Variants in ADAM22 observed in about 807,000 individuals in gnomAD.
ADAM22 encodes the protein ADAM metallopeptidase domain 22, also known as disintegrin and metalloproteinase domain-containing protein 22.
Under a neutral mutation model 144.6 loss-of-function variants are expected in ADAM22, and 65 were observed. The ratio of observed to expected loss-of-function variants is 0.45; its 90% CI spans 0.37 to 0.55. The LOEUF (loss-of-function observed/expected upper bound fraction) is 0.55. ADAM22 is among the 20% of genes least tolerant of loss of function. ADAM22 has a pLI of 0.00. For missense variants in ADAM22, 974 were observed against 1,184.9 expected (o/e 0.82, Z 2.61); for synonymous variants, 391 against 412.6 (o/e 0.95, Z 0.63).
At chr7:88,079,709 A>G (rs1815888570) in intron 4 of ADAM22, among the ~76,000 whole-genome samples, 1 of 152,202 alleles carries the variant, frequency 6.6e-6, no homozygotes, top group African/African-American at 2.4e-5. Flanking sequence ...ACTCTTGGAT[A>G]AAACAGAGTT....
chr7:88,027,069 TG>T (rs562800436), intron 3 of ADAM22, among the ~76,000 whole-genome samples: 1 of 152,234 alleles, frequency 6.6e-6, no homozygotes, highest in Non-Finnish European at 1.5e-5. Context: ...CTTGCATCCC[TG>T]GGATGAATCC....
intron 2 of ADAM22, among the ~76,000 whole-genome samples, chr7:87,965,278 T>C (rs1415879335): frequency 6.6e-6 from 1 of 152,238 alleles, no homozygotes; most frequent in South Asian, 2.1e-4. Flanking sequence ...CATTAGGGAC[T>C]TAACTGCTTT....
At chr7:88,114,699 C>CT (rs1029157562) in intron 6 of ADAM22, 52 bp downstream of exon 6, 1 of 1,527,824 alleles carries the variant, frequency 6.5e-7, no homozygotes, top group South Asian at 1.2e-5. Flanking sequence ...ATGCTGAGAG[C>CT]TTTTTTCCTC....
intron 3 of ADAM22, among the ~76,000 whole-genome samples, chr7:88,032,343 G>A (rs766084028): frequency 2.6e-5 from 4 of 152,324 alleles, no homozygotes; most frequent in Non-Finnish European, 5.9e-5. Context: ...GGAGTCAAAA[G>A]ACATTAAATG....
At chr7:88,046,542 G>A (rs1181796387) in intron 3 of ADAM22, among the ~76,000 whole-genome samples, 2 of 152,068 alleles carry the variant, frequency 1.3e-5, no homozygotes, top group Non-Finnish European at 2.9e-5. Flanking sequence ...TCTGTTGATT[G>A]TTCCTGTGCA....
chr7:88,105,939 T>C (rs1261693636), intron 4 of ADAM22, among the ~76,000 whole-genome samples: 1 of 152,216 alleles, frequency 6.6e-6, no homozygotes, highest in Non-Finnish European at 1.5e-5. Flanking sequence ...TCTTTATGTC[T>C]ATTAGCTCAT....
chr7:88,145,401 T>C lies in ADAM22; in HGVS notation c.1393-14T>C. On this transcript the variant is annotated splice_polypyrimidine_tract_variant and intron_variant, in intron 16 of 31. Coordinates refer to ENST00000413139, the MANE Select transcript of ADAM22 (RefSeq NM_001324418.2). ...ACCGTTTTCTGATGTTTTGAAAATG[T>C]TTATATTCCTTAGGAATGTGTCCTT... The C allele has an allele frequency of 1.2e-6, 2 of 1,603,670 alleles. No individual in the cohort carries two copies. The highest frequency in any genetic ancestry group is 1.7e-6 in the Non-Finnish European group (2 of 1,174,066).
chr7:88,149,403 TCA>T (rs1307395838), intron 18 of ADAM22, among the ~76,000 whole-genome samples: 1 of 152,208 alleles, frequency 6.6e-6, no homozygotes, highest in East Asian at 1.9e-4. Context: ...AGGCAGGGAC[TCA>T]CAAACACACT....
chr7:87,998,209 GA>G (rs1322458985), intron 3 of ADAM22, among the ~76,000 whole-genome samples: 1 of 152,058 alleles, frequency 6.6e-6, no homozygotes, highest in African/African-American at 2.4e-5. Flanking sequence ...CACCCAGATT[GA>G]GGGTGGGTCT....
intron 31 of ADAM22, among the ~76,000 whole-genome samples, chr7:88,194,142 T>G (rs2129541376): frequency 6.6e-6 from 1 of 152,362 alleles, no homozygotes; most frequent in African/African-American, 2.4e-5. Flanking sequence ...AATCTGAGAC[T>G]GAGGTCATTC....
chr7:88,120,322 C>A (rs1490845575), intron 7 of ADAM22, among the ~76,000 whole-genome samples: 1 of 151,748 alleles, frequency 6.6e-6, no homozygotes, highest in Non-Finnish European at 1.5e-5. Flanking sequence ...TGCTATCCCT[C>A]CCCCCTTCCC....
intron 12 of ADAM22, among the ~76,000 whole-genome samples, chr7:88,133,910 C>T (rs112536528): frequency 2.0e-5 from 3 of 152,274 alleles, no homozygotes; most frequent in African/African-American, 7.2e-5. Flanking sequence ...CATTCTATTC[C>T]ACTTGAGGGG....
intron 29 of ADAM22, among the ~76,000 whole-genome samples, chr7:88,185,177 A>G (rs1024317291): frequency 3.3e-5 from 5 of 152,236 alleles, no homozygotes; most frequent in Non-Finnish European, 5.9e-5. Context: ...CAAGTTGGCA[A>G]TGATTATGGC....
intron 3 of ADAM22, among the ~76,000 whole-genome samples, chr7:88,038,851 G>A (rs1396484261): frequency 6.6e-6 from 1 of 151,096 alleles, no homozygotes; most frequent in Non-Finnish European, 1.5e-5. Flanking sequence ...TGCCATCACT[G>A]CTTAATGTAG....
At chr7:87,999,646 T>G (rs1792061041) in intron 3 of ADAM22, among the ~76,000 whole-genome samples, 1 of 152,182 alleles carries the variant, frequency 6.6e-6, no homozygotes, top group Non-Finnish European at 1.5e-5. Flanking sequence ...TTTTAAAACT[T>G]AGAGGGGAAA....
intron 13 of ADAM22, among the ~76,000 whole-genome samples, chr7:88,134,636 C>T (rs1179223871): frequency 2.6e-5 from 4 of 152,034 alleles, no homozygotes. Flanking sequence ...AACTTTAAAG[C>T]CGTGTGATAA....
rs1293656669 is a variant in ADAM22, at chr7:88,122,221, G to A, written c.608-3368G>A. Among the ~76,000 whole-genome samples, 3 of 152,252 alleles carry A rather than the reference G, an allele frequency of 2.0e-5. No individual in the cohort carries two copies. In the East Asian group the frequency reaches 5.8e-4, roughly 29 times the overall value. On this transcript the variant is annotated intron_variant, in intron 7 of 31. Coordinates refer to ENST00000413139, the MANE Select transcript of ADAM22 (RefSeq NM_001324418.2). The stretch of plus-strand genomic sequence containing the variant: ...TGATGGTTGCTCTCTTTCTCACATA[G>A]GCCTCTCCATAGGGAAGCTCACAAC...
intron 31 of ADAM22, among the ~76,000 whole-genome samples, chr7:88,195,912 C>G (rs1850592011): frequency 6.6e-6 from 1 of 152,146 alleles, no homozygotes; most frequent in Admixed American, 6.5e-5. Flanking sequence ...TCACACTTCC[C>G]TGATGTCAGT....
Position 88,030,172 on chromosome 7 carries a change from T to A in ADAM22, c.324-45454T>A, listed in dbSNP as rs1392930457. On this transcript the variant is annotated intron_variant, in intron 3 of 31. Coordinates refer to ENST00000413139, the MANE Select transcript of ADAM22 (RefSeq NM_001324418.2). ...TGATTCATTCTTTTTTATCCTTTTTTAAAAATTTGTCTCCTCTGATTATGT... is the reference window on the plus strand; with the variant it reads ...TGATTCATTCTTTTTTATCCTTTTTAAAAAATTTGTCTCCTCTGATTATGT... Among the ~76,000 whole-genome samples the A allele has an allele frequency of 5.9e-5, 9 of 152,282 alleles. No homozygotes were observed. The East Asian group carries it at 1.7e-3, about 29-fold the overall frequency.
Sources: gnomAD v4.1 joint callset for allele counts (sites outside exome capture counted in the v4.1 genomes callset) on GRCh38, gnomAD v4.1.1 for gene constraint, MANE v1.5 for transcripts, NCBI Gene and HGNC (gene_info 2026-07-23, HGNC 2026-07-21) for gene names.